RBM12B: variants seen among roughly 807,000 people sequenced by gnomAD.
RBM12B encodes the protein RNA-binding protein 12B.
In RBM12B, 10 loss-of-function variants were observed where a neutral mutation model predicts 34.3. The ratio of observed to expected loss-of-function variants is 0.29; its 90% CI spans 0.18 to 0.49. The LOEUF is 0.49. Ranked by LOEUF, RBM12B falls within the 20% of genes least tolerant of loss-of-function variation. RBM12B has a pLI of 0.99. For synonymous variants in RBM12B, 477 were observed against 437.1 expected (o/e 1.09, Z -1.14); for missense variants, 1,139 against 1,262.7 (o/e 0.90, Z 1.48).
chr8:93,736,082 A>G lies in RBM12B; in HGVS notation c.329T>C (p.Ile110Thr). Reference protein sequence around the residue: ...TSGVDSLSNFIESVKEEASNS... With the variant: ...TSGVDSLSNFTESVKEEASNS... ...ACTTGCTTCTTCCTTAACAGACTCA[A>G]TAAAATTAGACAGGCTGTCAACCCC... is the stretch of plus-strand genomic sequence containing the variant. Residue 110 changes from isoleucine (I) to threonine (T), a missense_variant, in exon 4 of 4, where the codon ATT becomes ACT. Coordinates refer to ENST00000520560, the MANE Select transcript of RBM12B (RefSeq NM_001377960.1). 1 of 1,614,190 alleles carries G rather than the reference A, an allele frequency of 6.2e-7. No homozygotes were observed. The highest frequency in any genetic ancestry group is 8.5e-7 in the Non-Finnish European group (1 of 1,180,028).
At position 93,729,063 on chromosome 8, in the gene RBM12B, T is replaced by C. The variant is rs2130408459; in HGVS notation, c.*4342A>G. On this transcript the variant is annotated 3_prime_UTR_variant, in exon 4 of 4. Coordinates refer to ENST00000520560, the MANE Select transcript of RBM12B (RefSeq NM_001377960.1). Reference sequence around the variant, plus strand: ...AGTTAATAAAAGGGTATACAGTCACTTTTATTTCTGAAAATATAAAACATT... The same window carrying C: ...AGTTAATAAAAGGGTATACAGTCACCTTTATTTCTGAAAATATAAAACATT... 1 of 152,264 alleles carries C rather than the reference T, an allele frequency of 6.6e-6. No homozygotes were observed. Among genetic ancestry groups the C allele is most frequent in the East Asian group, 1.9e-4 (1 of 5,188 alleles). The allele number at this position is 152,264 out of a possible 1,614,324, so 9.4% of individuals were successfully genotyped here.
At position 93,731,062 on chromosome 8, in the gene RBM12B, A is replaced by C. The variant is rs1311114723; in HGVS notation, c.*2343T>G. On this transcript the variant is annotated 3_prime_UTR_variant, in exon 4 of 4. Coordinates refer to ENST00000520560, the MANE Select transcript of RBM12B (RefSeq NM_001377960.1). ...TGTAGTCCCAGCTCTCAGGAGGCTGAGGCAGGAAGACAGCTTGAGCCCAGG... is the reference window on the plus strand; with the variant it reads ...TGTAGTCCCAGCTCTCAGGAGGCTGCGGCAGGAAGACAGCTTGAGCCCAGG... 1 of 152,266 alleles carries C rather than the reference A, an allele frequency of 6.6e-6. No individual in the cohort carries two copies. Among genetic ancestry groups the C allele is most frequent in the Non-Finnish European group, 1.5e-5 (1 of 68,106 alleles). The allele number at this position is 152,266 out of a possible 1,614,324, so 9.4% of individuals were successfully genotyped here. A position where few individuals can be genotyped will look rare whatever the true frequency, so the allele number is the denominator to read the frequency against.
chr8:93,735,303 A>G lies in RBM12B; in HGVS notation c.1108T>C (p.Tyr370His). 6.2e-7 allele frequency: 1 copy of G among 1,613,998 alleles called. No homozygotes were observed. Among genetic ancestry groups the G allele is most frequent in the East Asian group, 2.2e-5 (1 of 44,884 alleles). Residue 370 changes from tyrosine (Y) to histidine (H), a missense_variant, in exon 4 of 4, where the codon TAT becomes CAT. Physicochemically the swap from Tyr to His is moderately conservative, Grantham distance 83. Coordinates refer to ENST00000520560, the MANE Select transcript of RBM12B (RefSeq NM_001377960.1). ...RKQMLKFIAR[Y>H]EKKRSGSLER... ...AGTGACCCTGATCTCTTCTTTTCATAACGTGCAATGAACTTCAGCATTTGT... is the reference window on the plus strand; with the variant it reads ...AGTGACCCTGATCTCTTCTTTTCATGACGTGCAATGAACTTCAGCATTTGT...
chr8:93,732,635 G>A lies in RBM12B; in HGVS notation c.*770C>T, dbSNP rs922235694. ...TTGATAAGATGTTGAAGAAACCATG[G>A]AATTATACACAGCACTATACATTAT... is the stretch of plus-strand genomic sequence containing the variant. On this transcript the variant is annotated 3_prime_UTR_variant, in exon 4 of 4. Transcript: ENST00000520560. The A allele has an allele frequency of 1.3e-5, 2 of 152,080 alleles. No individual in the cohort carries two copies. Among genetic ancestry groups the A allele is most frequent in the Non-Finnish European group, 2.9e-5 (2 of 67,996 alleles). The allele number at this position is 152,080 out of a possible 1,614,324, so 9.4% of individuals were successfully genotyped here.
rs530652443 is a variant in RBM12B at position 93,735,078 on chromosome 8, A to G, written c.1333T>C (p.Leu445=). ...TGTTCTTCTGATTTAAATTTCACTA[A>G]TGCTTCTCCCAGACCAACACCTTTG... is the stretch of plus-strand genomic sequence containing the variant. The part of the protein sequence containing the change: ...DDKGVGLGEA[L]VKFKSEEQAM... The change falls in exon 4 of 4, where the codon TTA becomes CTA. Residue 445 remains leucine, a synonymous_variant. Transcript: ENST00000520560. The G allele has an allele frequency of 5.6e-5, 90 of 1,614,120 alleles. 1 individual carries two copies. The South Asian group carries it at 9.6e-4, about 17-fold the overall frequency.
rs1811678728 is a variant in RBM12B at position 93,728,991 on chromosome 8, C to T, written c.*4414G>A. Reference sequence around the variant, plus strand: ...TGGAATGTTGCCTCATCATAGAACACCATAGATCATTAAAAATTCTATAAA... The same window carrying T: ...TGGAATGTTGCCTCATCATAGAACATCATAGATCATTAAAAATTCTATAAA... On this transcript the variant is annotated 3_prime_UTR_variant, in exon 4 of 4. Transcript: ENST00000520560. 1 of 152,060 alleles carries T rather than the reference C, an allele frequency of 6.6e-6. No homozygotes were observed. The highest frequency in any genetic ancestry group is 6.5e-5 in the Admixed American group (1 of 15,272). 9.4% of individuals were successfully genotyped at this position (152,060 alleles called of 1,614,324 possible).
chr8:93,734,402 G>A lies in RBM12B; in HGVS notation c.2009C>T (p.Pro670Leu). Reference protein sequence around the residue: ...RWLPEEDFRRPPEEDWRRPPE... With the variant: ...RWLPEEDFRRLPEEDWRRPPE... ...GGGCCGTCTCCAGTCCTCCTCAGGT[G>A]GCCGCCTGAAATCTTCCTCTGGGAG... The change falls in exon 4 of 4, where the codon CCA becomes CTA. Residue 670 changes from proline to leucine, a missense_variant. Around this residue, in one of 3 missense-constraint regions of RBM12B, gnomAD observed 863 missense variants for 869.5 expected, o/e 0.99. Coordinates refer to ENST00000520560, the MANE Select transcript of RBM12B (RefSeq NM_001377960.1). 1.2e-6 allele frequency: 2 copies of A among 1,613,478 alleles called. No individual in the cohort carries two copies. Among genetic ancestry groups the A allele is most frequent in the Non-Finnish European group, 1.7e-6 (2 of 1,179,856 alleles).
At position 93,734,548 on chromosome 8, in the gene RBM12B, C is replaced by G. The variant is rs1442377824; in HGVS notation, c.1863G>C (p.Arg621Ser). The G allele has an allele frequency of 6.2e-7, 1 of 1,613,140 alleles. No homozygotes were observed. Among genetic ancestry groups the G allele is most frequent in the Admixed American group, 1.7e-5 (1 of 59,964 alleles). Residue 621 changes from arginine to serine, a missense_variant, in exon 4 of 4, where the codon AGG becomes AGC. Transcript: ENST00000520560. ...FRHPREEDWR[R>S]PLEEDWRRPL... ...GCCGCCTCCAGTCCTCCTCAAGGGG[C>G]CTCCTCCAGTCCTCCTCCCTAGGGT...
At position 93,732,363 on chromosome 8, in the gene RBM12B, CAAA is replaced by C. The variant is rs1811822231; in HGVS notation, c.*1039_*1041del. ...AATGTATGCACTAAATGCTGAATAT[CAAA>C]GAAGTCAAAATTCAACCACACAAGT... is the stretch of plus-strand genomic sequence containing the variant. On this transcript the variant is annotated 3_prime_UTR_variant, in exon 4 of 4. Coordinates refer to ENST00000520560, the MANE Select transcript of RBM12B (RefSeq NM_001377960.1). 2 of 152,146 alleles carry C rather than the reference CAAA, an allele frequency of 1.3e-5. No individual in the cohort carries two copies. The highest frequency in any genetic ancestry group is 2.9e-5 in the Non-Finnish European group (2 of 68,014). 9.4% of individuals were successfully genotyped at this position (152,146 alleles called of 1,614,324 possible).
chr8:93,731,774 T>G lies in RBM12B; in HGVS notation c.*1631A>C, dbSNP rs1219545164. The G allele has an allele frequency of 2.0e-5, 3 of 152,566 alleles. No individual in the cohort carries two copies. Among genetic ancestry groups the G allele is most frequent in the Non-Finnish European group, 4.4e-5 (3 of 68,020 alleles). The allele number at this position is 152,566 out of a possible 1,614,324, so 9.5% of individuals were successfully genotyped here. On this transcript the variant is annotated 3_prime_UTR_variant, in exon 4 of 4. Transcript: ENST00000520560. ...GAGGAAAATTATGTTTTATGTAAATTATAAAAGGCCAAAGTCAATCATGTT... is the reference window on the plus strand; with the variant it reads ...GAGGAAAATTATGTTTTATGTAAATGATAAAAGGCCAAAGTCAATCATGTT...
chr8:93,734,578 G>T lies in RBM12B; in HGVS notation c.1833C>A (p.Phe611Leu). Residue 611 changes from phenylalanine to leucine, a missense_variant, in exon 4 of 4, where the codon TTC becomes TTA. Transcript: ENST00000520560. ...TCCAGTCCTCCTCCCTAGGGTGCCT[G>T]AAGTCATCCTCCGGAGGGCGCCTGA... is the stretch of plus-strand genomic sequence containing the variant. ...EDFRRPPEDD[F>L]RHPREEDWRR... is the part of the protein sequence containing the mutation. 6.2e-7 allele frequency: 1 copy of T among 1,613,248 alleles called. No homozygotes were observed. Among genetic ancestry groups the T allele is most frequent in the Non-Finnish European group, 8.5e-7 (1 of 1,179,718 alleles).
In RBM12B at chr8:93,736,048, T is replaced by A; in HGVS notation, c.363A>T (p.Gly121=). Residue 121 remains glycine, a synonymous_variant, in exon 4 of 4, where the codon GGA becomes GGT. Transcript: ENST00000520560. ...CATCTTGATTAATTGAAGAGCCATA[T>A]CCAGAATTACTTGCTTCTTCCTTAA... ...ESVKEEASNS[G]YGSSINQDAG... 6.2e-7 allele frequency: 1 copy of A among 1,614,224 alleles called. No homozygotes were observed. The highest frequency in any genetic ancestry group is 8.5e-7 in the Non-Finnish European group (1 of 1,180,042).
In RBM12B at chr8:93,734,218, G is replaced by A. The variant is rs1239669406; in HGVS notation, c.2193C>T (p.Phe731=). The A allele has an allele frequency of 5.0e-6, 8 of 1,597,402 alleles. No homozygotes were observed. The highest frequency in any genetic ancestry group is 1.1e-5 in the South Asian group (1 of 89,334). The change falls in exon 4 of 4, where the codon TTC becomes TTT. Residue 731 remains phenylalanine, a synonymous_variant. Coordinates refer to ENST00000520560, the MANE Select transcript of RBM12B (RefSeq NM_001377960.1). ...GGAAATGCTCTGGGGGTGGCCGACG[G>A]AAATGCTCCTGAGGTGGCCTCCGGA... The part of the protein sequence containing the change: ...EHFRRPPQEH[F]RRPPPEHFRR...
intron 2 of RBM12B, among the ~76,000 whole-genome samples, chr8:93,739,504 A>G (rs942515867): frequency 6.6e-6 from 1 of 152,200 alleles, no homozygotes; most frequent in African/African-American, 2.4e-5. Context: ...TGCCTCTACA[A>G]TAACACACCT....
At chr8:93,738,405 G>A (rs1025615586) in intron 2 of RBM12B, among the ~76,000 whole-genome samples, 19 of 152,180 alleles carry the variant, frequency 1.2e-4, no homozygotes, top group African/African-American at 4.6e-4. Context: ...TACTTTCAGG[G>A]ATACCCAAAC....
rs185568516 is a variant in RBM12B at position 93,740,776 on chromosome 8, G to A, written c.-145-80C>T. On this transcript the variant is annotated intron_variant, in intron 1 of 3. Coordinates refer to ENST00000520560, the MANE Select transcript of RBM12B (RefSeq NM_001377960.1). ...CAGGAGCTACGCTAGATACTGGCGC[G>A]GCCGCCGGTCCCGCCTTTCCCCGTT... 1.9e-3 allele frequency: 648 copies of A among 335,816 alleles called. 3 individuals are homozygous for A. The highest frequency in any genetic ancestry group is 0.012 in the African/African-American group (571 of 46,352). 20.8% of individuals were successfully genotyped at this position (335,816 alleles called of 1,614,324 possible). A position where few individuals can be genotyped will look rare whatever the true frequency, so the allele number is the denominator to read the frequency against.
rs930686844 is a variant in RBM12B at position 93,735,599 on chromosome 8, T to A, written c.812A>T (p.Lys271Ile). Reference sequence around the variant, plus strand: ...ACGAGAACGTGTTCTTCTGGGAGATTTTGAATGAGACCGTTTTCGAAAATG... The same window carrying A: ...ACGAGAACGTGTTCTTCTGGGAGATATTGAATGAGACCGTTTTCGAAAATG... The part of the protein sequence containing the change: ...DRHFRKRSHS[K>I]SPRRTRSRSP... Residue 271 changes from lysine to isoleucine, a missense_variant, in exon 4 of 4, where the codon AAA becomes ATA. Physicochemically the swap from Lys to Ile is moderately radical, Grantham distance 102. Around this residue, in one of 3 missense-constraint regions of RBM12B, gnomAD observed 863 missense variants for 869.5 expected, o/e 0.99. Transcript: ENST00000520560. The A allele has an allele frequency of 1.2e-6, 2 of 1,614,160 alleles. No homozygotes were observed. The highest frequency in any genetic ancestry group is 1.7e-6 in the Non-Finnish European group (2 of 1,180,018).
At position 93,734,750 on chromosome 8, in the gene RBM12B, G is replaced by T; in HGVS notation, c.1661C>A (p.Pro554His). 6.2e-7 allele frequency: 1 copy of T among 1,614,192 alleles called. No individual in the cohort carries two copies. The highest frequency in any genetic ancestry group is 1.1e-5 in the South Asian group (1 of 91,080). ...TGAGGAGTGTCGGAAGTCTTCTGGA[G>T]GGTGCCTGTCAGGCTGCCGGAAATC... ...QRDFRQPDRH[P>H]PEDFRHSSED... Residue 554 changes from proline to histidine, a missense_variant, in exon 4 of 4, where the codon CCT (proline) becomes CAT (histidine). This residue lies in a region of RBM12B where 863 missense variants were observed against 869.5 expected (regional missense o/e 0.99). Transcript: ENST00000520560.
Position 93,734,990 on chromosome 8 carries a change from A to G in RBM12B, c.1421T>C (p.Leu474Pro), listed in dbSNP as rs1586311732. 1 of 1,614,136 alleles carries G rather than the reference A, an allele frequency of 6.2e-7. No homozygotes were observed. The highest frequency in any genetic ancestry group is 1.3e-5 in the African/African-American group (1 of 75,020). The change falls in exon 4 of 4, where the codon CTT becomes CCT. Residue 474 changes from leucine (L) to proline (P), a missense_variant. Transcript: ENST00000520560. The part of the protein sequence containing the change: ...RFLGTEVLLR[L>P]ISEAQIQEFG... ...CTCCTGTATTTGTGCCTCAGATATA[A>G]GTCTTAATAACACCTCTGTCCCTAG...
Sources: allele counts gnomAD v4.1 joint callset (sites outside exome capture counted in the v4.1 genomes callset), GRCh38; gene constraint gnomAD v4.1.1; regional missense constraint gnomAD v4.1.1; transcripts MANE v1.5; gene names NCBI Gene and HGNC (gene_info 2026-07-23, HGNC 2026-07-21).